MIER2: variants seen among roughly 807,000 people sequenced by gnomAD.
The protein encoded by MIER2 is MIER family member 2, also known as mesoderm induction early response protein 2.
A neutral mutation model predicts 67.6 loss-of-function variants in MIER2; 30 were observed. The observed-to-expected ratio is 0.44, with a 90% CI of 0.33 to 0.60. The LOEUF is 0.60. Ranked by LOEUF, MIER2 falls within the 20% of genes least tolerant of loss-of-function variation. The probability of loss-of-function intolerance (pLI) is 0.02; values close to 1 mark genes in which losing one functional copy is unlikely to be tolerated. For synonymous variants in MIER2, 372 were observed against 312.6 expected (o/e 1.19, Z -2.00); for missense variants, 702 against 745.1 (o/e 0.94, Z 0.67).
intron 7 of MIER2, among the ~76,000 whole-genome samples, chr19:314,115 C>G (rs7253294): frequency 0.18 from 26,726 of 152,102 alleles, 3,154 homozygotes; most frequent in African/African-American, 0.33. Flanking sequence ...CCCGACTCTG[C>G]ATAAAGGCAG....
At chr19:313,080 G>A (rs1464468383) in intron 8 of MIER2, among the ~76,000 whole-genome samples, 2 of 110,604 alleles carry the variant, frequency 1.8e-5, no homozygotes, top group African/African-American at 6.6e-5. Context: ...CCTGGGCGAT[G>A]TCAGGGCCAC....
chr19:341,173 C>T (rs774089500), intron 1 of MIER2, among the ~76,000 whole-genome samples: 2 of 152,214 alleles, frequency 1.3e-5, no homozygotes, highest in Non-Finnish European at 2.9e-5. Flanking sequence ...CTCTGGGCAA[C>T]GGTTCCTGCC....
chr19:331,525 G>A (rs71335229), intron 3 of MIER2, among the ~76,000 whole-genome samples: 2 of 152,122 alleles, frequency 1.3e-5, no homozygotes, highest in South Asian at 4.2e-4. Context: ...AAACGTTGGT[G>A]AGGTGTGGTG....
chr19:308,228 G>A lies in MIER2; in HGVS notation c.1198+349C>T, dbSNP rs1018744689. On this transcript the variant is annotated intron_variant, in intron 12 of 13. Coordinates refer to ENST00000264819, the MANE Select transcript of MIER2 (RefSeq NM_017550.3). This position sits in a 1 kb window ranked among gnomAD's most constrained non-coding sequence, Gnocchi z 9.1. ...GCTCCGGACACCCTGTCCTTCCTGA[G>A]TGTCCTGGTGACGGGCTAAGTCCCC... 1.3e-5 allele frequency among the ~76,000 whole-genome samples: 2 copies of A among 152,182 alleles called. No homozygotes were observed. The highest frequency in any genetic ancestry group is 2.4e-5 in the African/African-American group (1 of 41,442).
intron 7 of MIER2, among the ~76,000 whole-genome samples, chr19:323,530 G>A (rs12165119): frequency 0.15 from 22,648 of 149,484 alleles, 2,172 homozygotes; most frequent in African/African-American, 0.26. Context: ...TGACACAGAC[G>A]TCATCACAAT....
chr19:318,160 T>C (rs1022538046), intron 7 of MIER2, among the ~76,000 whole-genome samples: 3 of 152,168 alleles, frequency 2.0e-5, no homozygotes, highest in African/African-American at 7.2e-5. Flanking sequence ...GTGGATATTA[T>C]GCCAATGCAC....
intron 10 of MIER2, among the ~76,000 whole-genome samples, chr19:310,458 G>A (rs947364564): frequency 2.8e-5 from 4 of 141,762 alleles, no homozygotes; most frequent in East Asian, 4.3e-4. Context: ...GGCCCCTCGC[G>A]GCTGGGCCAG....
In MIER2 at chr19:308,705, A is replaced by G. The variant is rs776449552; in HGVS notation, c.1110-40T>C. On this transcript the variant is annotated intron_variant, in intron 11 of 13. Transcript: ENST00000264819. The surrounding 1 kb of genome is among the most constrained non-coding windows in gnomAD (Gnocchi z 9.1). ...CGCCATGAGGGGCGGCAGACAGGAC[A>G]GACGCCCCCACCCAAGAGGTGCCGC... is the stretch of plus-strand genomic sequence containing the variant. 47 of 1,595,528 alleles carry G rather than the reference A, an allele frequency of 2.9e-5. No individual in the cohort carries two copies. The highest frequency in any genetic ancestry group is 3.8e-5 in the Non-Finnish European group (44 of 1,171,010).
intron 3 of MIER2, among the ~76,000 whole-genome samples, chr19:329,696 A>G (rs893086211): frequency 2.0e-5 from 3 of 151,666 alleles, no homozygotes; most frequent in Non-Finnish European, 4.4e-5. Flanking sequence ...AGACCAGCCT[A>G]ACTAACATGG....
rs564246749 is a variant in MIER2 at position 308,208 on chromosome 19, G to A, written c.1198+369C>T. Among the ~76,000 whole-genome samples the A allele has an allele frequency of 5.3e-5, 8 of 152,120 alleles. No homozygotes were observed. The highest frequency in any genetic ancestry group is 7.4e-5 in the Non-Finnish European group (5 of 68,008). On this transcript the variant is annotated intron_variant, in intron 12 of 13. Coordinates refer to ENST00000264819, the MANE Select transcript of MIER2 (RefSeq NM_017550.3). The surrounding 1 kb of genome is among the most constrained non-coding windows in gnomAD (Gnocchi z 9.1). ...GGTGCAAGATCCTGGCGACGGCTCC[G>A]GACACCCTGTCCTTCCTGAGTGTCC...
intron 10 of MIER2, among the ~76,000 whole-genome samples, chr19:309,380 G>A (rs183747969): frequency 2.4e-3 from 364 of 152,144 alleles, no homozygotes; most frequent in African/African-American, 8.1e-3. Flanking sequence ...CCCCTTCCCC[G>A]GGAGGAAGAG....
chr19:337,764 G>T (rs1187607697), intron 1 of MIER2, among the ~76,000 whole-genome samples: 1 of 151,548 alleles, frequency 6.6e-6, no homozygotes, highest in Admixed American at 6.6e-5. Flanking sequence ...AGCTACTCAG[G>T]AGGCTGAGGC....
intron 1 of MIER2, among the ~76,000 whole-genome samples, chr19:340,128 G>C (rs1282749685): frequency 2.0e-5 from 3 of 152,120 alleles, no homozygotes; most frequent in Non-Finnish European, 4.4e-5. Flanking sequence ...AAAAAACAAG[G>C]AAACAAGCTC....
At chr19:312,144 G>A (rs776659929) in intron 9 of MIER2, 47 bp downstream of exon 9, 22 of 1,403,422 alleles carry the variant, frequency 1.6e-5, no homozygotes, top group East Asian at 7.0e-5. Context: ...GGTCAGCAGT[G>A]CCCAGGGCGG....
chr19:318,828 G>A (rs577345359), intron 7 of MIER2, among the ~76,000 whole-genome samples: 174 of 152,148 alleles, frequency 1.1e-3, no homozygotes, highest in Non-Finnish European at 2.0e-3. Context: ...AGGCCGAGGC[G>A]GGCAGATCAT....
At chr19:318,047 T>C (rs932589317) in intron 7 of MIER2, among the ~76,000 whole-genome samples, 5 of 151,384 alleles carry the variant, frequency 3.3e-5, no homozygotes, top group Non-Finnish European at 7.4e-5. Flanking sequence ...CTACTAAAAA[T>C]ACAAAACTTA....
intron 1 of MIER2, chr19:344,280 C>G: frequency 1.0e-6 from 1 of 985,126 alleles, no homozygotes; most frequent in Non-Finnish European, 1.2e-6. Context: ...CCGGGGGGCT[C>G]GCGGGCGGCG....
At position 334,557 on chromosome 19, in the gene MIER2, G is replaced by A. The variant is rs1392275838; in HGVS notation, c.101-15C>T. 6.2e-7 allele frequency: 1 copy of A among 1,612,634 alleles called. No individual in the cohort carries two copies. Among genetic ancestry groups the A allele is most frequent in the Non-Finnish European group, 8.5e-7 (1 of 1,179,772 alleles). ...CATGGACACCACTGGGGAGAAGAGA[G>A]CAGCCCAGGTGAGCACCGTGCCTCG... On this transcript the variant is annotated splice_polypyrimidine_tract_variant and intron_variant, in intron 2 of 13. Coordinates refer to ENST00000264819, the MANE Select transcript of MIER2 (RefSeq NM_017550.3).
At chr19:344,575 GGGGT>G (rs1972657574) in intron 1 of MIER2, 195 bp downstream of exon 1, 1 of 142,272 alleles carries the variant, frequency 7.0e-6, no homozygotes, top group Non-Finnish European at 7.9e-6. Context: ...GGGGAGTTGG[GGGGT>G]GGGGGCCGGC....
Sources: allele counts gnomAD v4.1 joint callset (sites outside exome capture counted in the v4.1 genomes callset), GRCh38; gene constraint gnomAD v4.1.1; non-coding constraint Gnocchi (gnomAD v3.1); transcripts MANE v1.5; gene names NCBI Gene and HGNC (gene_info 2026-07-23, HGNC 2026-07-21).